TRANK1: variants seen among roughly 807,000 people sequenced by gnomAD.
TRANK1 encodes the protein tetratricopeptide repeat and ankyrin repeat containing 1, also known as TPR and ankyrin repeat-containing protein 1.
A neutral mutation model predicts 266.0 loss-of-function variants in TRANK1; 198 were observed. That is an observed-to-expected ratio of 0.74 (90% CI 0.66 to 0.84). The LOEUF is 0.84. Ranked by LOEUF, TRANK1 falls within the 40% of genes least tolerant of loss-of-function variation. The pLI is 0.00. For missense variants in TRANK1, 3,326 were observed against 3,634.6 expected, an observed-to-expected ratio of 0.92 and a Z score of 2.18; for synonymous variants, 1,396 against 1,384.1, an observed-to-expected ratio of 1.01 and a Z score of -0.19.
intron 8 of TRANK1, chr3:36,880,879 A>C (rs543884896): frequency 7.4e-6 from 1 of 135,134 alleles, no homozygotes; most frequent in African/African-American, 2.7e-5. Context: ...ACCTAATGCT[A>C]TCCCTCCCCC....
At chr3:36,890,525 A>G (rs1286269966) in intron 7 of TRANK1, among the ~76,000 whole-genome samples, 1 of 151,804 alleles carries the variant, frequency 6.6e-6, no homozygotes, top group Admixed American at 6.6e-5. Context: ...ACAAAGAGCA[A>G]CTCTCTGCCC....
chr3:36,879,673 A>T (rs1007801192), intron 8 of TRANK1, among the ~76,000 whole-genome samples: 5 of 83,550 alleles, frequency 6.0e-5, no homozygotes, highest in African/African-American at 2.6e-4. Context: ...AATATATATA[A>T]ATATATAAAT....
At chr3:36,836,884 G>A (rs544593857) in intron 20 of TRANK1, among the ~76,000 whole-genome samples, 1 of 152,266 alleles carries the variant, frequency 6.6e-6, no homozygotes, top group African/African-American at 2.4e-5. Flanking sequence ...CTGCCCTATA[G>A]ACCTCTTCAC....
At position 36,918,916 on chromosome 3, in the gene TRANK1, C is replaced by A. The variant is rs535169981; in HGVS notation, c.24-10462G>T. Among the ~76,000 whole-genome samples, 4 of 152,286 alleles carry A rather than the reference C, an allele frequency of 2.6e-5. No individual in the cohort carries two copies. The South Asian group carries it at 6.2e-4, about 24-fold the overall frequency. ...GAGCCATCCTAAGACCCTGGCCCCG[C>A]TGACAAGATGACAGTTAAAATATCC... On this transcript the variant is annotated intron_variant, in intron 1 of 23. Coordinates refer to ENST00000645898, the MANE Select transcript of TRANK1 (RefSeq NM_001329998.2).
chr3:36,870,420 AAGAG>A (rs34639575), intron 9 of TRANK1, among the ~76,000 whole-genome samples: 45,242 of 144,978 alleles, frequency 0.31, 7,251 homozygotes, highest in East Asian at 0.54. Flanking sequence ...AAAAAAAAAA[AAGAG>A]AGAGAGAGAG....
chr3:36,888,894 A>G (rs2079646158), intron 8 of TRANK1, among the ~76,000 whole-genome samples: 1 of 152,186 alleles, frequency 6.6e-6, no homozygotes, highest in African/African-American at 2.4e-5. Context: ...AGTTACAAAA[A>G]TTAGCTGGGC....
chr3:36,895,301 T>G (rs1379847511), intron 5 of TRANK1, among the ~76,000 whole-genome samples: 1 of 152,150 alleles, frequency 6.6e-6, no homozygotes, highest in African/African-American at 2.4e-5. Flanking sequence ...AGATAGGTCA[T>G]CCGGGAACAC....
chr3:36,858,403 A>G (rs1029302553), intron 12 of TRANK1, among the ~76,000 whole-genome samples: 6 of 152,212 alleles, frequency 3.9e-5, no homozygotes, highest in Non-Finnish European at 8.8e-5. Context: ...ATGACCATAC[A>G]AGATTCTAGC....
At chr3:36,926,969 T>C (rs960650871) in intron 1 of TRANK1, among the ~76,000 whole-genome samples, 19 of 152,232 alleles carry the variant, frequency 1.2e-4, no homozygotes, top group African/African-American at 4.1e-4. Flanking sequence ...TTGCACCTTG[T>C]ATTGTTCATG....
chr3:36,895,199 T>C (rs893971786), intron 5 of TRANK1, among the ~76,000 whole-genome samples: 1 of 152,226 alleles, frequency 6.6e-6, no homozygotes, highest in Non-Finnish European at 1.5e-5. Context: ...CATGGATTCC[T>C]GGCCCTGGGT....
intron 1 of TRANK1, among the ~76,000 whole-genome samples, chr3:36,930,465 C>A (rs1278781221): frequency 1.3e-5 from 2 of 152,160 alleles, no homozygotes; most frequent in Non-Finnish European, 1.5e-5. Context: ...ACACTTCTAA[C>A]CTATGGACTG....
At chr3:36,867,803 A>C (rs1161143770) in intron 9 of TRANK1, among the ~76,000 whole-genome samples, 1 of 152,270 alleles carries the variant, frequency 6.6e-6, no homozygotes, top group African/African-American at 2.4e-5. Flanking sequence ...CAAATATAGC[A>C]GGTCCTCAAA....
chr3:36,856,618 T>A lies in TRANK1; in HGVS notation c.3104A>T (p.Asn1035Ile), dbSNP rs781107866. The A allele has an allele frequency of 5.0e-6, 8 of 1,613,902 alleles. No individual in the cohort carries two copies. Among genetic ancestry groups the A allele is most frequent in the Non-Finnish European group, 6.8e-6 (8 of 1,179,902 alleles). The change falls in exon 13 of 24, where the codon AAC (asparagine) becomes ATC (isoleucine). Residue 1035 changes from asparagine to isoleucine, a missense_variant. Physicochemically the swap from Asn to Ile is moderately radical, Grantham distance 149 (BLOSUM62 -3). Transcript: ENST00000645898. ...NIMKFHSFST[N>I]MAFNILNDTT... Reference sequence around the variant, plus strand: ...GTCATTGAGGATGTTAAAGGCCATGTTGGTGCTGAAGCTGTGGAACTTCAT... The same window carrying A: ...GTCATTGAGGATGTTAAAGGCCATGATGGTGCTGAAGCTGTGGAACTTCAT...
chr3:36,890,119 G>A (rs2079667094), intron 7 of TRANK1, among the ~76,000 whole-genome samples, 159 bp from the exon 8 acceptor site: 1 of 152,156 alleles, frequency 6.6e-6, no homozygotes, highest in Non-Finnish European at 1.5e-5. Flanking sequence ...TCCAACATAC[G>A]TTTCCACTCA....
At chr3:36,893,321 C>T (rs547676694) in intron 5 of TRANK1, among the ~76,000 whole-genome samples, 15 of 152,178 alleles carry the variant, frequency 9.9e-5, no homozygotes, top group African/African-American at 3.6e-4. Context: ...GTTCTTAAGG[C>T]TTAGCAAGTG....
chr3:36,889,703 G>A, intron 8 of TRANK1, 126 bp downstream of exon 8: 1 of 1,285,454 alleles, frequency 7.8e-7, no homozygotes, highest in Non-Finnish European at 1.0e-6. Context: ...TTTAGTTCAA[G>A]GGGAAGTTTA....
rs542698428 is a variant in TRANK1 at position 36,929,978 on chromosome 3, C to T, written c.23+14809G>A. ...CTGGAGTGCAATGGCACAATCTCAG[C>T]TCACTACAACCTCAGCCTCCCAAGT... On this transcript the variant is annotated intron_variant, in intron 1 of 23. Coordinates refer to ENST00000645898, the MANE Select transcript of TRANK1 (RefSeq NM_001329998.2). Among the ~76,000 whole-genome samples, 3 of 152,160 alleles carry T rather than the reference C, an allele frequency of 2.0e-5. No homozygotes were observed. In the South Asian group the frequency reaches 6.2e-4, roughly 32 times the overall value.
chr3:36,838,749 G>T (rs972516947), intron 18 of TRANK1, 33 bp from the exon 19 acceptor site: 5 of 1,585,384 alleles, frequency 3.2e-6, no homozygotes, highest in Non-Finnish European at 3.4e-6. Flanking sequence ...TTCCCAGCAA[G>T]GTAATGGAGG....
chr3:36,851,642 C>A, intron 15 of TRANK1, 77 bp downstream of exon 15: 3 of 1,506,788 alleles, frequency 2.0e-6, no homozygotes, highest in Non-Finnish European at 2.7e-6. Flanking sequence ...ACCCTCAACT[C>A]CAAATTCTCT....
Sources: allele counts gnomAD v4.1 joint callset (sites outside exome capture counted in the v4.1 genomes callset), GRCh38; gene constraint gnomAD v4.1.1; transcripts MANE v1.5; gene names NCBI Gene and HGNC (gene_info 2026-07-23, HGNC 2026-07-21).